GLRA2: variants seen among roughly 807,000 people sequenced by gnomAD.
The protein encoded by GLRA2 is glycine receptor subunit alpha-2.
A neutral mutation model predicts 31.6 loss-of-function variants in GLRA2; 11 were observed. The observed-to-expected ratio is 0.35, with a 90% CI of 0.22 to 0.58. The LOEUF (loss-of-function observed/expected upper bound fraction) is 0.58, where lower values mean the gene tolerates loss of function less well. Ranked by LOEUF, GLRA2 falls within the 20% of genes least tolerant of loss-of-function variation. The probability of loss-of-function intolerance (pLI) is 0.84; values close to 1 mark genes in which losing one functional copy is unlikely to be tolerated. For synonymous variants in GLRA2, 132 were observed against 134.0 expected, an observed-to-expected ratio of 0.99 and a Z score of 0.10; for missense variants, 212 against 351.8, an observed-to-expected ratio of 0.60 and a Z score of 3.18.
chrX:14,565,000 C>T (rs928610822), intron 2 of GLRA2, among the ~76,000 whole-genome samples: 6 of 101,231 alleles, frequency 5.9e-5, no homozygotes, highest in Non-Finnish European at 1.2e-4. Flanking sequence ...AAAGAAAATC[C>T]AAATGGTTCA....
chrX:14,491,823 G>T, the GLRA2 span, among the ~76,000 whole-genome samples: 4 of 111,605 alleles, frequency 3.6e-5, no homozygotes, highest in Admixed American at 1.9e-4. Flanking sequence ...TCAAGACGTG[G>T]GTGTCCTCCA....
Position 14,688,241 on chromosome X carries a change from G to A in GLRA2, c.931-2469G>A, listed in dbSNP as rs1024657613. Among the ~76,000 whole-genome samples, 8 of 111,551 alleles carry A rather than the reference G, an allele frequency of 7.2e-5. 1 individual carries two copies. The highest frequency in any genetic ancestry group is 5.6e-4 in the East Asian group (2 of 3,541). ...GGGGTGCCTCCCAGTTAGGCTACTC[G>A]GGGGTCAGGGACCCACTTGAGGAGG... On this transcript the variant is annotated intron_variant, in intron 7 of 8. Coordinates refer to ENST00000218075, the MANE Select transcript of GLRA2 (RefSeq NM_002063.4).
At chrX:14,468,582 A>G in the GLRA2 span, among the ~76,000 whole-genome samples, 1 of 112,304 alleles carries the variant, frequency 8.9e-6, no homozygotes, top group South Asian at 3.7e-4. Context: ...CAGTTTTAGC[A>G]TAATGTTATC....
intron 8 of GLRA2, among the ~76,000 whole-genome samples, chrX:14,691,271 CTGTGTGTGTGTG>C (rs4014173): frequency 0.048 from 4,051 of 85,153 alleles, 175 homozygotes; most frequent in African/African-American, 0.13. Context: ...TAAATATTGA[CTGTGTGTGTGTG>C]TGTGTGTGTG....
the GLRA2 span, among the ~76,000 whole-genome samples, chrX:14,514,901 A>G: frequency 9.0e-6 from 1 of 110,953 alleles, no homozygotes; most frequent in Non-Finnish European, 1.9e-5. Context: ...TTTTTGCCTT[A>G]AAACCCATTA....
chrX:14,460,650 A>G, the GLRA2 span, among the ~76,000 whole-genome samples: 5,619 of 111,603 alleles, frequency 0.05, 343 homozygotes, highest in African/African-American at 0.17. Context: ...TTGCGTAGAG[A>G]TGTTTATGGT....
intron 7 of GLRA2, among the ~76,000 whole-genome samples, chrX:14,628,422 G>T: frequency 9.0e-6 from 1 of 111,399 alleles, no homozygotes; most frequent in Non-Finnish European, 1.9e-5. Context: ...CAGCCACAGT[G>T]CTTGGCACTG....
At chrX:14,671,837 G>C (rs1189476849) in intron 7 of GLRA2, among the ~76,000 whole-genome samples, 2 of 112,357 alleles carry the variant, frequency 1.8e-5, no homozygotes, top group African/African-American at 3.2e-5. Flanking sequence ...ACTATTTTAG[G>C]CAAGTCTTGC....
At chrX:14,494,118 G>A in the GLRA2 span, among the ~76,000 whole-genome samples, 1 of 111,208 alleles carries the variant, frequency 9.0e-6, no homozygotes, top group Non-Finnish European at 1.9e-5. Flanking sequence ...AAGTTCAAAA[G>A]AAGGTAAAAC....
chrX:14,646,491 T>C (rs182248990), intron 7 of GLRA2, among the ~76,000 whole-genome samples: 90 of 112,584 alleles, frequency 8.0e-4, no homozygotes, highest in African/African-American at 2.0e-3. Context: ...TAACTTGCTA[T>C]CTTCAGAAAG....
chrX:14,603,081 ATT>A (rs58676051), intron 4 of GLRA2, among the ~76,000 whole-genome samples: 2 of 96,258 alleles, frequency 2.1e-5, no homozygotes, highest in African/African-American at 3.8e-5. Context: ...GCCAACATCT[ATT>A]TTTTTTTTTT....
intron 7 of GLRA2, among the ~76,000 whole-genome samples, chrX:14,652,730 GTCTCTCTCCC>G (rs2090902421): frequency 9.0e-6 from 1 of 110,761 alleles, no homozygotes; most frequent in Non-Finnish European, 1.9e-5. Flanking sequence ...CTGTCCCCCA[GTCTCTCTCCC>G]TCTCCTCAAG....
intron 7 of GLRA2, among the ~76,000 whole-genome samples, chrX:14,671,190 T>C (rs1024010347): frequency 6.3e-5 from 7 of 111,748 alleles, no homozygotes; most frequent in Non-Finnish European, 1.3e-4. Context: ...CAGCCAGGCA[T>C]AGGATATTTG....
the GLRA2 span, among the ~76,000 whole-genome samples, chrX:14,521,252 A>G: frequency 8.9e-6 from 1 of 112,528 alleles, no homozygotes; most frequent in Non-Finnish European, 1.9e-5. Context: ...GGAGATTGGC[A>G]TATGAGTCAG....
intron 7 of GLRA2, among the ~76,000 whole-genome samples, chrX:14,681,058 G>A (rs778082561): frequency 1.2e-4 from 14 of 112,326 alleles, no homozygotes; most frequent in African/African-American, 4.2e-4. Context: ...CAGGAAAATA[G>A]TATAACTTAA....
At chrX:14,517,635 T>C in the GLRA2 span, among the ~76,000 whole-genome samples, 1 of 111,595 alleles carries the variant, frequency 9.0e-6, no homozygotes, top group South Asian at 3.7e-4. Flanking sequence ...TCCCATGACA[T>C]GTGGGGATTA....
chrX:14,706,789 T>C (rs1423017553), intron 8 of GLRA2, among the ~76,000 whole-genome samples: 1 of 112,314 alleles, frequency 8.9e-6, no homozygotes, highest in East Asian at 2.8e-4. Context: ...GATTGAACAG[T>C]GCACACATGC....
intron 7 of GLRA2, among the ~76,000 whole-genome samples, chrX:14,654,090 A>C (rs868685066): frequency 1.3e-4 from 15 of 111,597 alleles, no homozygotes; most frequent in Middle Eastern, 9.2e-3. Flanking sequence ...GTACCACTGC[A>C]CTCCACCCTG....
chrX:14,490,900 A>T, the GLRA2 span, among the ~76,000 whole-genome samples: 1 of 111,770 alleles, frequency 8.9e-6, no homozygotes. Flanking sequence ...AGCACACAGC[A>T]CACACTCTGC....
Sources: gnomAD v4.1 joint callset for allele counts (sites outside exome capture counted in the v4.1 genomes callset) on GRCh38, gnomAD v4.1.1 for gene constraint, MANE v1.5 for transcripts, NCBI Gene and HGNC (gene_info 2026-07-23, HGNC 2026-07-21) for gene names.